The following NBPF15 variants were observed in gnomAD, a reference collection of about 807,000 sequenced individuals.
The protein encoded by NBPF15 is NBPF family member NBPF15.
Under a neutral mutation model 62.2 loss-of-function variants are expected in NBPF15, and 74 were observed. The observed-to-expected ratio is 1.19, with a 90% CI of 0.99 to 1.44. NBPF15 has a LOEUF of 1.44. NBPF15 is among the 40% of genes most tolerant of loss of function. NBPF15 has a pLI of 0.00. For synonymous variants in NBPF15, 244 were observed against 209.7 expected (o/e 1.16, Z -1.41); for missense variants, 790 against 550.0 (o/e 1.44, Z -4.36).
intron 4 of NBPF15, among the ~76,000 whole-genome samples, chr1:144,455,289 G>A (rs1156749976): frequency 1.3e-5 from 2 of 151,556 alleles, no homozygotes; most frequent in Admixed American, 1.3e-4. Context: ...AGTAGGGAAG[G>A]AAGGAAGGAA....
At chr1:144,432,369 G>C (rs1476384466) in intron 13 of NBPF15, among the ~76,000 whole-genome samples, 1 of 151,918 alleles carries the variant, frequency 6.6e-6, no homozygotes, top group African/African-American at 2.4e-5. Context: ...AAACTGTAAA[G>C]ACCATTGACG....
At chr1:144,425,059 GACACACAC>G (rs199782361) in intron 19 of NBPF15, among the ~76,000 whole-genome samples, 197 bp from the exon 20 acceptor site, 54 of 92,758 alleles carry the variant, frequency 5.8e-4, no homozygotes, top group Middle Eastern at 7.6e-3. Flanking sequence ...AAGACAGATA[GACACACAC>G]ACACACACAC....
rs1372755279 is a variant in NBPF15, at chr1:144,460,870, T to C, written c.-846A>G. On this transcript the variant is annotated 5_prime_UTR_variant, in exon 2 of 22. Coordinates refer to ENST00000581897, the MANE Select transcript of NBPF15 (RefSeq NM_001385408.1). ...GAAATCCTGCGGTGAATTAGAGGCC[T>C]GCCCCGCTAGTCATGAGGTGATTCA... is the stretch of plus-strand genomic sequence containing the variant. 6.6e-6 allele frequency: 1 copy of C among 151,384 alleles called. No homozygotes were observed. The highest frequency in any genetic ancestry group is 6.6e-5 in the Admixed American group (1 of 15,194). 9.4% of individuals were successfully genotyped at this position (151,384 alleles called of 1,614,324 possible). A position where few individuals can be genotyped will look rare whatever the true frequency, so the allele number is the denominator to read the frequency against.
At chr1:144,438,700 G>A (rs1680542639) in intron 8 of NBPF15, among the ~76,000 whole-genome samples, 2 of 151,888 alleles carry the variant, frequency 1.3e-5, no homozygotes, top group Admixed American at 6.6e-5. Context: ...CTAGGAGATT[G>A]ACAAGAAATA....
chr1:144,442,129 G>A (rs587673064), intron 6 of NBPF15, among the ~76,000 whole-genome samples: 1 of 1,166 alleles, frequency 8.6e-4, no homozygotes, highest in African/African-American at 1.3e-3. Context: ...ATATATACAC[G>A]TGTATATATA....
At chr1:144,438,782 CTG>C (rs1571135080) in intron 8 of NBPF15, among the ~76,000 whole-genome samples, 1 of 151,832 alleles carries the variant, frequency 6.6e-6, no homozygotes, top group Non-Finnish European at 1.5e-5. Flanking sequence ...GGTGAGGAAA[CTG>C]AGGGACAGAC....
Position 144,423,175 on chromosome 1 carries a change from C to T in NBPF15, c.1851G>A (p.Met617Ile). 6.2e-7 allele frequency: 1 copy of T among 1,611,604 alleles called. No homozygotes were observed. The highest frequency in any genetic ancestry group is 1.3e-5 in the African/African-American group (1 of 74,880). ...GGAATGAGTCAGGTTGTTCAAAGTA[C>T]ATTGACGGAGTCGAATAACATCTAT... Reference protein sequence around the residue: ...SLDRCYSTPSMYFEQPDSFQH... With the variant: ...SLDRCYSTPSIYFEQPDSFQH... The change falls in exon 22 of 22, where the codon ATG becomes ATA. Residue 617 changes from methionine to isoleucine, a missense_variant. Physicochemically the swap from Met to Ile is conservative, Grantham distance 10. Transcript: ENST00000581897.
chr1:144,422,741 C>A lies in NBPF15; in HGVS notation c.*272G>T. On this transcript the variant is annotated 3_prime_UTR_variant, in exon 22 of 22. Transcript: ENST00000581897. ...AAATCCCTGAGGAATTTTGTAGCTA[C>A]CCAGAGATACGTGGTTCAAATTAAA... 4 of 692,694 alleles carry A rather than the reference C, an allele frequency of 5.8e-6. No homozygotes were observed. Among genetic ancestry groups the A allele is most frequent in the East Asian group, 2.9e-5 (1 of 34,842 alleles). 42.9% of individuals were successfully genotyped at this position (692,694 alleles called of 1,614,324 possible). A position where few individuals can be genotyped will look rare whatever the true frequency, so the allele number is the denominator to read the frequency against.
rs2101482781 is a variant in NBPF15 at position 144,423,183 on chromosome 1, G to A, written c.1843C>T (p.Pro615Ser). The A allele has an allele frequency of 6.2e-7, 1 of 1,611,568 alleles. No individual in the cohort carries two copies. The highest frequency in any genetic ancestry group is 8.5e-7 in the Non-Finnish European group (1 of 1,179,584). The change falls in exon 22 of 22, where the codon CCG becomes TCG. Residue 615 changes from proline to serine, a missense_variant. By Grantham distance (74) the Pro-to-Ser change is moderately conservative. Coordinates refer to ENST00000581897, the MANE Select transcript of NBPF15 (RefSeq NM_001385408.1). The stretch of plus-strand genomic sequence containing the variant: ...TCAGGTTGTTCAAAGTACATTGACG[G>A]AGTCGAATAACATCTATCCAGTGAG... Reference protein sequence around the residue: ...QDSLDRCYSTPSMYFEQPDSF... With the variant: ...QDSLDRCYSTSSMYFEQPDSF...
At chr1:144,429,555 G>T in intron 14 of NBPF15, 145 bp downstream of exon 14, 1 of 606,118 alleles carries the variant, frequency 1.6e-6, no homozygotes, top group East Asian at 2.8e-5. Context: ...CTCGACTCCA[G>T]AGTGATTGAA....
At chr1:144,426,173 C>A (rs1437515701) in intron 18 of NBPF15, 105 bp downstream of exon 18, 2 of 645,930 alleles carry the variant, frequency 3.1e-6, no homozygotes, top group Non-Finnish European at 5.4e-6. Flanking sequence ...GTCCTGCCTG[C>A]GGCAATGACA....
chr1:144,423,875 G>C lies in NBPF15; in HGVS notation c.1764C>G (p.Cys588Trp). Residue 588 changes from cysteine (C) to tryptophan (W), a missense_variant, in exon 21 of 22, where the codon TGC becomes TGG. Cys to Trp is a radical substitution (Grantham distance 215, BLOSUM62 -2). Transcript: ENST00000581897. ...CCACAATTGCTGAAAGTTACCTGGG[G>C]CATGGTGGGTTGTCATCTTCCCCTT... ...RKEGEDDNPP[C>W]PRLYGVLMEV... 1 of 770,780 alleles carries C rather than the reference G, an allele frequency of 1.3e-6. No individual in the cohort carries two copies. The highest frequency in any genetic ancestry group is 2.4e-6 in the Non-Finnish European group (1 of 423,368). 47.7% of individuals were successfully genotyped at this position (770,780 alleles called of 1,614,324 possible). A position where few individuals can be genotyped will look rare whatever the true frequency, so the allele number is the denominator to read the frequency against.
chr1:144,437,216 C>T (rs1679168384), intron 9 of NBPF15, 107 bp from the exon 10 acceptor site: 3 of 1,137,016 alleles, frequency 2.6e-6, no homozygotes, highest in Non-Finnish European at 4.0e-6. Context: ...GACCTCGAAG[C>T]AGAAGGTCAG....
chr1:144,447,391 G>C (rs1688349260), intron 6 of NBPF15, among the ~76,000 whole-genome samples: 1 of 151,710 alleles, frequency 6.6e-6, no homozygotes, highest in Non-Finnish European at 1.5e-5. Context: ...GTAATAGACA[G>C]ATGCAGCTAT....
At position 144,426,333 on chromosome 1, in the gene NBPF15, G is replaced by T. The variant is rs1271521458; in HGVS notation, c.1383C>A (p.Ser461Arg). 8 of 777,978 alleles carry T rather than the reference G, an allele frequency of 1.0e-5. No homozygotes were observed. The highest frequency in any genetic ancestry group is 1.9e-5 in the Non-Finnish European group (8 of 423,738). The allele number at this position is 777,978 out of a possible 1,614,324, so 48.2% of individuals were successfully genotyped here. Residue 461 changes from serine to arginine, a missense_variant, in exon 18 of 22, where the codon AGC becomes AGA. Physicochemically the swap from Ser to Arg is moderately radical, Grantham distance 110. Coordinates refer to ENST00000581897, the MANE Select transcript of NBPF15 (RefSeq NM_001385408.1). ...LELPDLGQPY[S>R]SAVYSLEEQY... ...GTTCCTCCAATGAGTAAACAGCACTGCTGTAGGGCTGGCCTAAGTCAGGCA... is the reference window on the plus strand; with the variant it reads ...GTTCCTCCAATGAGTAAACAGCACTTCTGTAGGGCTGGCCTAAGTCAGGCA...
intron 8 of NBPF15, among the ~76,000 whole-genome samples, chr1:144,439,360 G>C (rs1298864936): frequency 1.3e-5 from 2 of 152,012 alleles, no homozygotes; most frequent in African/African-American, 4.8e-5. Flanking sequence ...AAGCCCCTCA[G>C]AGCAGGTACT....
chr1:144,440,089 A>C (rs1182631696), intron 7 of NBPF15, 51 bp from the exon 8 acceptor site: 1 of 1,578,420 alleles, frequency 6.3e-7, no homozygotes, highest in Admixed American at 1.7e-5. Context: ...GGTGAAATCA[A>C]ATAGGTTTAA....
chr1:144,432,727 G>A lies in NBPF15; in HGVS notation c.824+1046C>T, dbSNP rs1225940708. On this transcript the variant is annotated intron_variant, in intron 13 of 21. Coordinates refer to ENST00000581897, the MANE Select transcript of NBPF15 (RefSeq NM_001385408.1). The stretch of plus-strand genomic sequence containing the variant: ...GAGACAAAGAAGGCCACTACATAAT[G>A]GTAAAGGGATCAATTCAACAAGAGT... Among the ~76,000 whole-genome samples, 3 of 151,958 alleles carry A rather than the reference G, an allele frequency of 2.0e-5. 1 individual carries two copies. The highest frequency in any genetic ancestry group is 6.6e-5 in the Admixed American group (1 of 15,226).
intron 21 of NBPF15, among the ~76,000 whole-genome samples, chr1:144,423,619 C>T (rs1426439139): frequency 6.6e-6 from 1 of 151,934 alleles, no homozygotes; most frequent in Non-Finnish European, 1.5e-5. Flanking sequence ...ATAAAATATG[C>T]TCAAAATTTG....
Sources: gnomAD v4.1 joint callset for allele counts (sites outside exome capture counted in the v4.1 genomes callset) on GRCh38, gnomAD v4.1.1 for gene constraint, MANE v1.5 for transcripts, NCBI Gene and HGNC (gene_info 2026-07-23, HGNC 2026-07-21) for gene names.